CYSLTR2: variants seen among roughly 807,000 people sequenced by gnomAD.
CYSLTR2 encodes the protein G-protein coupled receptor GPCR21.
For missense variants in CYSLTR2, 398 were observed against 411.9 expected, an observed-to-expected ratio of 0.97 and a Z score of 0.29; for synonymous variants, 179 against 160.8, an observed-to-expected ratio of 1.11 and a Z score of -0.86.
intron 4 of CYSLTR2, among the ~76,000 whole-genome samples, chr13:48,700,614 G>C (rs1320248847): frequency 6.6e-6 from 1 of 152,168 alleles, no homozygotes; most frequent in African/African-American, 2.4e-5. Flanking sequence ...CACAAGACAG[G>C]GATGCCCTCT....
intron 4 of CYSLTR2, among the ~76,000 whole-genome samples, chr13:48,705,695 A>G (rs148708962): frequency 6.7e-6 from 1 of 150,056 alleles, no homozygotes; most frequent in Non-Finnish European, 1.5e-5. Flanking sequence ...GAAGTATAGA[A>G]AACTTCTTAT....
intron 1 of CYSLTR2, among the ~76,000 whole-genome samples, chr13:48,685,241 AG>A (rs994866424): frequency 1.3e-5 from 2 of 152,076 alleles, no homozygotes; most frequent in Non-Finnish European, 2.9e-5. Flanking sequence ...GAGAAGGGGG[AG>A]GTGCTATACA....
chr13:48,660,517 G>A (rs2138808220), intron 1 of CYSLTR2, among the ~76,000 whole-genome samples: 1 of 152,190 alleles, frequency 6.6e-6, no homozygotes, highest in East Asian at 1.9e-4. Context: ...ATTCTCCAAG[G>A]CACTGAGTCC....
intron 1 of CYSLTR2, among the ~76,000 whole-genome samples, chr13:48,685,282 G>A (rs1006622806): frequency 1.7e-5 from 2 of 117,362 alleles, no homozygotes; most frequent in Admixed American, 8.7e-5. Flanking sequence ...ACTCACTCAC[G>A]AGAACTCACT....
chr13:48,702,405 AAAT>A (rs553079627), intron 4 of CYSLTR2, among the ~76,000 whole-genome samples: 2 of 152,026 alleles, frequency 1.3e-5, no homozygotes, highest in African/African-American at 4.8e-5. Flanking sequence ...ACTTAAAGTA[AAAT>A]AATAATAATA....
chr13:48,697,948 C>A (rs547089134), intron 4 of CYSLTR2, among the ~76,000 whole-genome samples: 87 of 152,010 alleles, frequency 5.7e-4, no homozygotes, highest in African/African-American at 2.0e-3. Flanking sequence ...TGAAATGAAG[C>A]AAGAAGAGAA....
chr13:48,683,355 A>G (rs1953809373), intron 1 of CYSLTR2, among the ~76,000 whole-genome samples: 2 of 152,322 alleles, frequency 1.3e-5, no homozygotes, highest in South Asian at 4.1e-4. Context: ...AACAGTGTAT[A>G]AGCATTTTCT....
chr13:48,676,319 T>A (rs1953595192), intron 1 of CYSLTR2, among the ~76,000 whole-genome samples: 1 of 152,148 alleles, frequency 6.6e-6, no homozygotes, highest in African/African-American at 2.4e-5. Flanking sequence ...AAAGTCATAT[T>A]TGTGGTTGAG....
At chr13:48,678,556 A>G (rs1479259916) in intron 1 of CYSLTR2, among the ~76,000 whole-genome samples, 4 of 151,904 alleles carry the variant, frequency 2.6e-5, no homozygotes, top group African/African-American at 9.7e-5. Context: ...AGTTACTATC[A>G]CGTGCTGACA....
rs1199804046 is a variant in CYSLTR2, at chr13:48,709,647, A to T, written c.*1789A>T. The T allele has an allele frequency of 6.6e-6, 1 of 152,226 alleles. No homozygotes were observed. The highest frequency in any genetic ancestry group is 2.4e-5 in the African/African-American group (1 of 41,456). 9.4% of individuals were successfully genotyped at this position (152,226 alleles called of 1,614,324 possible). A position where few individuals can be genotyped will look rare whatever the true frequency, so the allele number is the denominator to read the frequency against. ...TAATTATGAAAAGTAGTCAATGAAC[A>T]CAATACATTTGAGGGAAAGGCCGTA... On this transcript the variant is annotated 3_prime_UTR_variant, in exon 5 of 5. Transcript: ENST00000682523.
intron 1 of CYSLTR2, among the ~76,000 whole-genome samples, chr13:48,679,128 T>C (rs1370001090): frequency 6.6e-6 from 1 of 152,076 alleles, no homozygotes; most frequent in African/African-American, 2.4e-5. Flanking sequence ...TTACTTACAC[T>C]TCCCCAAACT....
At chr13:48,660,609 A>C (rs1170186194) in intron 1 of CYSLTR2, among the ~76,000 whole-genome samples, 2 of 152,160 alleles carry the variant, frequency 1.3e-5, no homozygotes. Context: ...TTTCACATTC[A>C]AAATATGTCA....
intron 1 of CYSLTR2, among the ~76,000 whole-genome samples, chr13:48,670,631 G>T (rs540811808): frequency 6.6e-6 from 1 of 152,106 alleles, no homozygotes; most frequent in Non-Finnish European, 1.5e-5. Flanking sequence ...TGTTCCATTG[G>T]TCTATACATC....
chr13:48,670,421 T>C (rs996950941), intron 1 of CYSLTR2, among the ~76,000 whole-genome samples: 1 of 152,366 alleles, frequency 6.6e-6, no homozygotes, highest in South Asian at 2.1e-4. Context: ...GTCTTATGTT[T>C]AAGTTTTTAA....
rs147528478 is a variant in CYSLTR2, at chr13:48,689,336, G to A, written c.-265-1876G>A. 6.8e-3 allele frequency among the ~76,000 whole-genome samples: 1,036 copies of A among 152,224 alleles called. 10 individuals are homozygous for A. Among genetic ancestry groups the A allele is most frequent in the African/African-American group, 0.023 (964 of 41,542 alleles). On this transcript the variant is annotated intron_variant, in intron 1 of 4. Coordinates refer to ENST00000682523, the MANE Select transcript of CYSLTR2 (RefSeq NM_001308476.3). Reference sequence around the variant, plus strand: ...AGTCATGAAGTCTTTGTCCATGCCTGTGTCCTGAATGTATTGCCTAGGTTT... The same window carrying A: ...AGTCATGAAGTCTTTGTCCATGCCTATGTCCTGAATGTATTGCCTAGGTTT...
At chr13:48,692,885 C>T (rs1394555980) in intron 2 of CYSLTR2, among the ~76,000 whole-genome samples, 5 of 151,444 alleles carry the variant, frequency 3.3e-5, no homozygotes, top group African/African-American at 1.2e-4. Flanking sequence ...AAGAAATAAA[C>T]ATAATTGTAT....
chr13:48,683,403 CT>C (rs934875524), intron 1 of CYSLTR2, among the ~76,000 whole-genome samples: 4 of 152,124 alleles, frequency 2.6e-5, no homozygotes, highest in African/African-American at 9.7e-5. Flanking sequence ...TTTTCTTTGA[CT>C]TTTTAATAAT....
chr13:48,672,691 C>A (rs1953472525), intron 1 of CYSLTR2, among the ~76,000 whole-genome samples: 1 of 147,982 alleles, frequency 6.8e-6, no homozygotes, highest in South Asian at 2.2e-4. Flanking sequence ...AATTTCAGCT[C>A]ACTGCAACCT....
chr13:48,703,043 T>C (rs1438324175), intron 4 of CYSLTR2, among the ~76,000 whole-genome samples: 1 of 152,194 alleles, frequency 6.6e-6, no homozygotes, highest in Non-Finnish European at 1.5e-5. Flanking sequence ...TTAATTTTTA[T>C]TGAATATAAA....
Sources: allele counts gnomAD v4.1 joint callset (sites outside exome capture counted in the v4.1 genomes callset), GRCh38; gene constraint gnomAD v4.1.1; transcripts MANE v1.5; gene names NCBI Gene and HGNC (gene_info 2026-07-23, HGNC 2026-07-21).